The following PTPRD variants were observed in gnomAD, a reference collection of about 807,000 sequenced individuals.
The protein encoded by PTPRD is protein tyrosine phosphatase receptor type D, also known as receptor-type tyrosine-protein phosphatase delta.
Under a neutral mutation model 214.5 loss-of-function variants are expected in PTPRD, and 34 were observed. That is an observed-to-expected ratio of 0.16 (90% CI 0.12 to 0.21). The LOEUF (loss-of-function observed/expected upper bound fraction) is 0.21. Among genes scored for constraint, PTPRD ranks in the 10% least tolerant of loss-of-function variants. PTPRD has a pLI of 1.00. For synonymous variants in PTPRD, 1,128 were observed against 845.7 expected (o/e 1.33, Z -5.79); for missense variants, 2,545 against 2,398.7 (o/e 1.06, Z -1.27).
At chr9:9,760,228 T>A (rs1350180685) in intron 6 of PTPRD, among the ~76,000 whole-genome samples, 1 of 152,150 alleles carries the variant, frequency 6.6e-6, no homozygotes, top group Non-Finnish European at 1.5e-5. Context: ...ATCTACTTTT[T>A]TTTTGTTACT....
intron 9 of PTPRD, among the ~76,000 whole-genome samples, chr9:9,272,926 A>C (rs145788523): frequency 2.6e-4 from 40 of 151,394 alleles, no homozygotes; most frequent in African/African-American, 8.9e-4. Flanking sequence ...GCTTGAGGTA[A>C]TTTATAGTTT....
chr9:9,538,147 G>A (rs1474528091), intron 8 of PTPRD, among the ~76,000 whole-genome samples: 4 of 151,552 alleles, frequency 2.6e-5, no homozygotes, highest in Admixed American at 2.0e-4. Flanking sequence ...CTCATATTTC[G>A]CAGTGGTGTT....
chr9:10,486,015 T>G (rs7847372), intron 2 of PTPRD, among the ~76,000 whole-genome samples: 138,708 of 151,298 alleles, frequency 0.92, 63,705 homozygotes, highest in East Asian at 1. Flanking sequence ...CACATCTTTT[T>G]CCCACTTTTT....
intron 2 of PTPRD, among the ~76,000 whole-genome samples, chr9:10,412,787 G>T (rs2098450537): frequency 6.6e-6 from 1 of 151,736 alleles, no homozygotes; most frequent in African/African-American, 2.4e-5. Context: ...TCATCTCCAG[G>T]ATGCAAGGTT....
At chr9:10,596,642 C>T (rs1469927594) in intron 2 of PTPRD, among the ~76,000 whole-genome samples, 1 of 151,508 alleles carries the variant, frequency 6.6e-6, no homozygotes, top group Non-Finnish European at 1.5e-5. Flanking sequence ...CATGCTTCCA[C>T]ATTGAGTGTA....
intron 12 of PTPRD, among the ~76,000 whole-genome samples, chr9:8,720,314 G>A (rs992060019): frequency 3.3e-5 from 5 of 152,210 alleles, no homozygotes; most frequent in African/African-American, 1.2e-4. Context: ...CAATATGTCA[G>A]AGAGTGAAAG....
At chr9:8,767,778 G>C (rs142741150) in intron 11 of PTPRD, among the ~76,000 whole-genome samples, 265 of 152,246 alleles carry the variant, frequency 1.7e-3, no homozygotes, top group Middle Eastern at 6.8e-3. Flanking sequence ...CCAGGCATCT[G>C]TGTATTTTTG....
intron 12 of PTPRD, among the ~76,000 whole-genome samples, chr9:8,696,441 G>A (rs190071030): frequency 6.6e-6 from 1 of 152,292 alleles, no homozygotes; most frequent in Admixed American, 6.5e-5. Context: ...AGTCCCTCCA[G>A]TCTTGGGGTG....
chr9:8,683,973 T>G (rs911850677), intron 12 of PTPRD, among the ~76,000 whole-genome samples: 1 of 152,166 alleles, frequency 6.6e-6, no homozygotes, highest in Non-Finnish European at 1.5e-5. Flanking sequence ...CAGCAGCGAA[T>G]GTTCAAGAGG....
intron 2 of PTPRD, among the ~76,000 whole-genome samples, chr9:10,351,987 G>C (rs2097191647): frequency 6.6e-6 from 1 of 151,960 alleles, no homozygotes. Context: ...AACTGTGGAG[G>C]CATTGATAGG....
At chr9:8,922,153 T>C (rs1432611950) in intron 11 of PTPRD, among the ~76,000 whole-genome samples, 1 of 152,216 alleles carries the variant, frequency 6.6e-6, no homozygotes, top group African/African-American at 2.4e-5. Context: ...AGGATGTATT[T>C]TGTGCCTTTG....
At chr9:8,633,527 T>C (rs557714256) in intron 13 of PTPRD, 69 bp from the exon 14 acceptor site, 4 of 1,550,596 alleles carry the variant, frequency 2.6e-6, no homozygotes, top group South Asian at 2.4e-5. Flanking sequence ...AAGCTCTCAA[T>C]ACAGTGGTGG....
chr9:8,911,168 GAAC>G (rs1483802286), intron 11 of PTPRD, among the ~76,000 whole-genome samples: 1 of 152,056 alleles, frequency 6.6e-6, no homozygotes, highest in Non-Finnish European at 1.5e-5. Flanking sequence ...AATTGAAAAA[GAAC>G]AACAAAGTTG....
In PTPRD at chr9:8,725,390, T is replaced by A. The variant is rs550240341; in HGVS notation, c.64+8390A>T. On this transcript the variant is annotated intron_variant, in intron 12 of 45. Transcript: ENST00000381196. Reference sequence around the variant, plus strand: ...TTATCCTCAGTAGTTAACTCAATGCTTGGCACGGGAAATGTGTCCAATAAA... The same window carrying A: ...TTATCCTCAGTAGTTAACTCAATGCATGGCACGGGAAATGTGTCCAATAAA... Among the ~76,000 whole-genome samples, 14 of 152,338 alleles carry A rather than the reference T, an allele frequency of 9.2e-5. No homozygotes were observed. In the East Asian group the frequency reaches 2.7e-3, roughly 29 times the overall value.
At chr9:8,527,457 C>T in intron 15 of PTPRD, 104 bp from the exon 16 acceptor site, 1 of 970,360 alleles carries the variant, frequency 1.0e-6, no homozygotes. Flanking sequence ...TATACTAAAT[C>T]ATCTATGTTA....
chr9:8,460,088 G>C (rs760396259), intron 33 of PTPRD, among the ~76,000 whole-genome samples: 5 of 152,084 alleles, frequency 3.3e-5, no homozygotes, highest in Non-Finnish European at 5.9e-5. Context: ...ATGAAAGCTT[G>C]CATGGAATTA....
At chr9:9,565,735 G>A (rs1312703278) in intron 8 of PTPRD, among the ~76,000 whole-genome samples, 1 of 151,502 alleles carries the variant, frequency 6.6e-6, no homozygotes, top group Non-Finnish European at 1.5e-5. Context: ...CATTTTTTGT[G>A]CATTTAGGAA....
At chr9:8,762,344 A>G (rs1239412702) in intron 11 of PTPRD, among the ~76,000 whole-genome samples, 4 of 152,194 alleles carry the variant, frequency 2.6e-5, no homozygotes, top group Non-Finnish European at 5.9e-5. Flanking sequence ...TTAGGACTAT[A>G]TCAATAAAAC....
At chr9:10,503,529 T>C (rs2044622424) in intron 2 of PTPRD, among the ~76,000 whole-genome samples, 1 of 152,036 alleles carries the variant, frequency 6.6e-6, no homozygotes, top group Admixed American at 6.6e-5. Flanking sequence ...GCAGGATATA[T>C]AGAAAAAGAT....
Sources: gnomAD v4.1 joint callset for allele counts (sites outside exome capture counted in the v4.1 genomes callset) on GRCh38, gnomAD v4.1.1 for gene constraint, MANE v1.5 for transcripts, NCBI Gene and HGNC (gene_info 2026-07-23, HGNC 2026-07-21) for gene names.